The following FSIP1 variants were observed in gnomAD, a reference collection of about 807,000 sequenced individuals.
FSIP1 encodes fibrous sheath interacting protein 1, also known as fibrous sheath-interacting protein 1.
Under a neutral mutation model 60.9 loss-of-function variants are expected in FSIP1, and 65 were observed. The observed-to-expected ratio is 1.07, with a 90% CI of 0.87 to 1.31. The LOEUF (loss-of-function observed/expected upper bound fraction) is 1.31, where lower values mean the gene tolerates loss of function less well. Ranked by LOEUF, FSIP1 falls within the 40% of genes most tolerant of loss-of-function variation. The probability of loss-of-function intolerance (pLI) is 0.00; values close to 1 mark genes in which losing one functional copy is unlikely to be tolerated. For synonymous variants in FSIP1, 209 were observed against 221.2 expected, an observed-to-expected ratio of 0.94 and a Z score of 0.49; for missense variants, 675 against 665.5, an observed-to-expected ratio of 1.01 and a Z score of -0.16.
chr15:39,756,107 T>C (rs1004295697), intron 5 of FSIP1, among the ~76,000 whole-genome samples: 4 of 152,194 alleles, frequency 2.6e-5, no homozygotes, highest in South Asian at 2.1e-4. Flanking sequence ...TTGAGGTTAA[T>C]ATGTCTGGAT....
chr15:39,698,717 A>C (rs1302071599), intron 10 of FSIP1, among the ~76,000 whole-genome samples: 1 of 152,158 alleles, frequency 6.6e-6, no homozygotes, highest in African/African-American at 2.4e-5. Context: ...TTTGGGGTTC[A>C]AACTCGCTTC....
chr15:39,612,552 CAAAT>C (rs1388698584), intron 11 of FSIP1, among the ~76,000 whole-genome samples: 2 of 151,874 alleles, frequency 1.3e-5, no homozygotes, highest in African/African-American at 4.8e-5. Flanking sequence ...GAAAAAATCT[CAAAT>C]AAACAATCTA....
intron 3 of FSIP1, among the ~76,000 whole-genome samples, chr15:39,766,764 A>C (rs1160843910): frequency 6.6e-6 from 1 of 152,246 alleles, no homozygotes; most frequent in Non-Finnish European, 1.5e-5. Flanking sequence ...TATTGTGCTA[A>C]GTAAGGCCAA....
At chr15:39,723,621 T>A (rs1896071534) in intron 9 of FSIP1, among the ~76,000 whole-genome samples, 1 of 152,260 alleles carries the variant, frequency 6.6e-6, no homozygotes, top group East Asian at 1.9e-4. Context: ...ACTCAATATG[T>A]GTTGAATCAA....
At chr15:39,616,451 CAG>C (rs1891233654) in intron 11 of FSIP1, among the ~76,000 whole-genome samples, 1 of 148,408 alleles carries the variant, frequency 6.7e-6, no homozygotes, top group Admixed American at 6.7e-5. Flanking sequence ...TCACAGAAGA[CAG>C]AAAACTTAAC....
chr15:39,701,308 A>C (rs28735552), intron 10 of FSIP1, among the ~76,000 whole-genome samples: 19,607 of 152,222 alleles, frequency 0.13, 1,505 homozygotes, highest in African/African-American at 0.2. Context: ...AGAAGGGCAA[A>C]AAAAAAGTTG....
rs112620839 is a variant in FSIP1 at position 39,688,486 on chromosome 15, T to G, written c.1188+24958A>C. 4.9e-3 allele frequency among the ~76,000 whole-genome samples: 752 copies of G among 152,312 alleles called. 9 individuals are homozygous for G. The highest frequency in any genetic ancestry group is 0.017 in the African/African-American group (691 of 41,564). ...TAAAGTGAAAAGAAGAATGTTGGTA[T>G]AGGTATTCGAGTTAAGGTTTCTGCT... On this transcript the variant is annotated intron_variant, in intron 10 of 11. Coordinates refer to ENST00000350221, the MANE Select transcript of FSIP1 (RefSeq NM_152597.5).
At position 39,618,362 on chromosome 15, in the gene FSIP1, A is replaced by G; in HGVS notation, c.1189-117T>C. The stretch of plus-strand genomic sequence containing the variant: ...AGTAACCCCTTACACAACACATAAA[A>G]ATAGAAAAATAATTCATTGTAAAGT... On this transcript the variant is annotated intron_variant, in intron 10 of 11. Coordinates refer to ENST00000350221, the MANE Select transcript of FSIP1 (RefSeq NM_152597.5). 1.3e-5 allele frequency: 10 copies of G among 747,008 alleles called. No individual in the cohort carries two copies. In the South Asian group the frequency reaches 2.0e-4, roughly 15 times the overall value. 46.3% of individuals were successfully genotyped at this position (747,008 alleles called of 1,614,324 possible).
intron 10 of FSIP1, among the ~76,000 whole-genome samples, chr15:39,685,394 A>C (rs895829294): frequency 1.3e-5 from 2 of 152,214 alleles, no homozygotes; most frequent in African/African-American, 4.8e-5. Flanking sequence ...AAATTATTTT[A>C]TATCTCAGTG....
At chr15:39,711,875 CG>C (rs891993482) in intron 10 of FSIP1, among the ~76,000 whole-genome samples, 6 of 151,578 alleles carry the variant, frequency 4.0e-5, no homozygotes, top group African/African-American at 1.5e-4. Context: ...TTAGTGGATA[CG>C]GGGTTTCACC....
At chr15:39,723,757 T>C (rs746716648) in intron 9 of FSIP1, among the ~76,000 whole-genome samples, 1 of 152,238 alleles carries the variant, frequency 6.6e-6, no homozygotes, top group African/African-American at 2.4e-5. Context: ...TGAATGTTTG[T>C]GGATTAGCAA....
chr15:39,646,605 G>T (rs914395981), intron 10 of FSIP1, among the ~76,000 whole-genome samples: 1 of 150,542 alleles, frequency 6.6e-6, no homozygotes, highest in Admixed American at 6.6e-5. Flanking sequence ...TGAGATGGGA[G>T]GAGTACTTGA....
At position 39,678,138 on chromosome 15, in the gene FSIP1, T is replaced by G. The variant is rs188300120; in HGVS notation, c.1188+35306A>C. On this transcript the variant is annotated intron_variant, in intron 10 of 11. Coordinates refer to ENST00000350221, the MANE Select transcript of FSIP1 (RefSeq NM_152597.5). Reference sequence around the variant, plus strand: ...ATACATATGCATGAGTATATTTATATCTGTAGGAAAAAAAGTGTGAAAATA... The same window carrying G: ...ATACATATGCATGAGTATATTTATAGCTGTAGGAAAAAAAGTGTGAAAATA... 2.3e-3 allele frequency among the ~76,000 whole-genome samples: 357 copies of G among 152,230 alleles called. 4 individuals are homozygous for G. The highest frequency in any genetic ancestry group is 4.1e-3 in the Non-Finnish European group (276 of 67,998).
intron 5 of FSIP1, among the ~76,000 whole-genome samples, chr15:39,750,129 A>G (rs1040183837): frequency 1.3e-5 from 2 of 151,914 alleles, no homozygotes; most frequent in African/African-American, 4.8e-5. Flanking sequence ...CCTGGACACT[A>G]AAAACTATAA....
intron 5 of FSIP1, among the ~76,000 whole-genome samples, chr15:39,762,014 C>G (rs1471902755): frequency 6.6e-6 from 1 of 152,158 alleles, no homozygotes; most frequent in Non-Finnish European, 1.5e-5. Context: ...GCTGGAGATG[C>G]CTGGAGCAGG....
At chr15:39,644,286 C>T (rs1303952576) in intron 10 of FSIP1, among the ~76,000 whole-genome samples, 1 of 152,200 alleles carries the variant, frequency 6.6e-6, no homozygotes, top group Non-Finnish European at 1.5e-5. Context: ...AGCTGCCCGG[C>T]CGAGTGTGCC....
intron 10 of FSIP1, among the ~76,000 whole-genome samples, chr15:39,632,847 T>C (rs1459368493): frequency 6.6e-6 from 1 of 152,092 alleles, no homozygotes; most frequent in Admixed American, 6.5e-5. Context: ...TGAGCAGCCT[T>C]TATTTCCTTT....
intron 2 of FSIP1, among the ~76,000 whole-genome samples, chr15:39,774,144 A>T: frequency 6.6e-6 from 1 of 152,238 alleles, no homozygotes; most frequent in East Asian, 1.9e-4. Context: ...AAGCAATTTC[A>T]ATCAAAACCC....
At chr15:39,618,695 T>C (rs766204838) in intron 10 of FSIP1, among the ~76,000 whole-genome samples, 1 of 152,250 alleles carries the variant, frequency 6.6e-6, no homozygotes, top group East Asian at 1.9e-4. Flanking sequence ...GCGGTGTATT[T>C]GGGGAGAATG....
Sources: allele counts gnomAD v4.1 joint callset (sites outside exome capture counted in the v4.1 genomes callset), GRCh38; gene constraint gnomAD v4.1.1; transcripts MANE v1.5; gene names NCBI Gene and HGNC (gene_info 2026-07-23, HGNC 2026-07-21).